Variants in KNDC1 observed in about 807,000 individuals in gnomAD.
KNDC1 encodes kinase non-catalytic C-lobe domain-containing protein 1.
Under a neutral mutation model 172.8 loss-of-function variants are expected in KNDC1, and 106 were observed. The observed-to-expected ratio is 0.61, with a 90% CI of 0.52 to 0.72. The LOEUF (loss-of-function observed/expected upper bound fraction) is 0.72. Ranked by LOEUF, KNDC1 falls within the 30% of genes least tolerant of loss-of-function variation. The pLI is 0.00. For missense variants in KNDC1, 2,325 were observed against 2,394.5 expected, an observed-to-expected ratio of 0.97 and a Z score of 0.61; for synonymous variants, 1,083 against 1,062.2, an observed-to-expected ratio of 1.02 and a Z score of -0.38.
rs1287994177 is a variant in KNDC1, at chr10:133,160,477, A to G, written c.10A>G (p.Met4Val). The G allele has an allele frequency of 1.0e-5, 16 of 1,579,918 alleles. No individual in the cohort carries two copies. Among genetic ancestry groups the G allele is most frequent in the Non-Finnish European group, 1.2e-5 (14 of 1,165,140 alleles). The stretch of plus-strand genomic sequence containing the variant: ...GCGGCGCGGCCGCAGGATGCAGGCC[A>G]TGGACCCGGCCGCGGCGGATCTTTA... MQA[M>V]DPAAADLYEE... is the part of the protein sequence containing the mutation. Residue 4 changes from methionine (M) to valine (V), a missense_variant, in exon 1 of 30, where the codon ATG becomes GTG. Coordinates refer to ENST00000304613, the MANE Select transcript of KNDC1 (RefSeq NM_152643.8).
chr10:133,218,994 C>T, intron 27 of KNDC1, 37 bp from the exon 28 acceptor site: 1 of 1,613,794 alleles, frequency 6.2e-7, no homozygotes, highest in African/African-American at 1.3e-5. Context: ...TGGGTACCCG[C>T]ACGGCCGCAG....
At chr10:133,193,681 C>T (rs1224768593) in intron 9 of KNDC1, among the ~76,000 whole-genome samples, 2 of 152,132 alleles carry the variant, frequency 1.3e-5, no homozygotes, top group Admixed American at 1.3e-4. Context: ...CTACCAGAAA[C>T]TCACTTCAAA....
At chr10:133,205,510 C>T (rs1483014934) in intron 17 of KNDC1, among the ~76,000 whole-genome samples, 1 of 152,236 alleles carries the variant, frequency 6.6e-6, no homozygotes, top group Non-Finnish European at 1.5e-5. Context: ...CACATTTACA[C>T]TCAACGCTCA....
In KNDC1 at chr10:133,167,691, C is replaced by T. The variant is rs1037171241; in HGVS notation, c.301+112C>T. ...AGCAGATGCTGGGAGCATGCCCGGACCCGGGTTTCCTGTGGAGACCTTCTC... is the reference window on the plus strand; with the variant it reads ...AGCAGATGCTGGGAGCATGCCCGGATCCGGGTTTCCTGTGGAGACCTTCTC... On this transcript the variant is annotated intron_variant, in intron 2 of 29. Transcript: ENST00000304613. 11 of 1,213,330 alleles carry T rather than the reference C, an allele frequency of 9.1e-6. No homozygotes were observed. The African/African-American group carries it at 1.5e-4, about 17-fold the overall frequency. The allele number at this position is 1,213,330 out of a possible 1,614,324, so 75.2% of individuals were successfully genotyped here. A position where few individuals can be genotyped will look rare whatever the true frequency, so the allele number is the denominator to read the frequency against.
intron 22 of KNDC1, 35 bp from the exon 23 acceptor site, chr10:133,211,644 G>A (rs1257018727): frequency 3.8e-6 from 6 of 1,591,320 alleles, no homozygotes; most frequent in South Asian, 2.3e-5. Context: ...TCCAGAAGGT[G>A]GCAGTGACCC....
At chr10:133,218,800 A>G in intron 26 of KNDC1, 31 bp from the exon 27 acceptor site, 1 of 1,602,668 alleles carries the variant, frequency 6.2e-7, no homozygotes, top group Non-Finnish European at 8.5e-7. Context: ...TTAAACCAGA[A>G]GACGCTGAAT....
chr10:133,218,645 C>A (rs559184098), intron 26 of KNDC1, among the ~76,000 whole-genome samples, 186 bp from the exon 27 acceptor site: 3 of 152,328 alleles, frequency 2.0e-5, no homozygotes, highest in African/African-American at 7.2e-5. Flanking sequence ...ATGCCCACCC[C>A]GTCCCGCCAG....
rs1258408325 is a variant in KNDC1, at chr10:133,211,682, C to G, written c.4060C>G (p.Leu1354Val). 2 of 1,596,902 alleles carry G rather than the reference C, an allele frequency of 1.3e-6. No homozygotes were observed. The highest frequency in any genetic ancestry group is 1.7e-5 in the Admixed American group (1 of 57,700). ...CCACCACTGTGCTTCTGCCTAGATC[C>G]TACCCCTGGACGGCTCTGCCAAGCA... ...KLEDFISSKI[L>V]PLDGSAKHLL... Residue 1354 changes from leucine (L) to valine (V), a missense_variant, in exon 23 of 30, where the codon CTA becomes GTA. Coordinates refer to ENST00000304613, the MANE Select transcript of KNDC1 (RefSeq NM_152643.8).
chr10:133,224,679 G>A lies in KNDC1; in HGVS notation c.5039G>A (p.Ser1680Asn). Reference sequence around the variant, plus strand: ...GGAAGGAACATCGCAAAGGTGGTGAGCCAGGTGCACGCGTTCCAGGAGAAC... The same window carrying A: ...GGAAGGAACATCGCAAAGGTGGTGAACCAGGTGCACGCGTTCCAGGAGAAC... ...SKLRNIAKVV[S>N]QVHAFQENPY... Residue 1680 changes from serine (S) to asparagine (N), a missense_variant, in exon 30 of 30, where the codon AGC becomes AAC. Ser to Asn is a conservative substitution (Grantham distance 46). Transcript: ENST00000304613. This position sits in a 1 kb window ranked among gnomAD's most constrained non-coding sequence, Gnocchi z 5.4. 1.9e-6 allele frequency: 3 copies of A among 1,614,056 alleles called. No homozygotes were observed. The highest frequency in any genetic ancestry group is 2.5e-6 in the Non-Finnish European group (3 of 1,179,996).
intron 1 of KNDC1, among the ~76,000 whole-genome samples, chr10:133,166,670 T>C (rs1323435397): frequency 1.3e-5 from 2 of 151,852 alleles, no homozygotes; most frequent in East Asian, 1.9e-4. Context: ...TGTGTCCATG[T>C]GGGATGCATG....
chr10:133,207,099 G>A (rs1265832590), intron 19 of KNDC1, 38 bp from the exon 20 acceptor site: 4 of 1,557,086 alleles, frequency 2.6e-6, no homozygotes, highest in African/African-American at 2.7e-5. Flanking sequence ...CTGGGGCGAG[G>A]GGCAGAGTGA....
chr10:133,201,734 G>A lies in KNDC1; in HGVS notation c.3223G>A (p.Val1075Ile). ...GACCCGACTGGCCAGGTCCAAAGGG[G>A]TCGGCCCAGCCTTGTCCCCCGGCCC... ...AVTRLARSKG[V>I]GPALSPGPAG... is the part of the protein sequence containing the mutation. Residue 1075 changes from valine (V) to isoleucine (I), a missense_variant, in exon 17 of 30, where the codon GTC becomes ATC. Transcript: ENST00000304613. The A allele has an allele frequency of 6.2e-7, 1 of 1,600,912 alleles. No homozygotes were observed.
At chr10:133,182,899 C>T (rs181738640) in intron 3 of KNDC1, among the ~76,000 whole-genome samples, 35 of 143,580 alleles carry the variant, frequency 2.4e-4, no homozygotes, top group African/African-American at 6.9e-4. Context: ...GCATGGGTGG[C>T]GTGGGTGCGA....
At chr10:133,169,760 C>T (rs932245614) in intron 3 of KNDC1, among the ~76,000 whole-genome samples, 6 of 152,134 alleles carry the variant, frequency 3.9e-5, no homozygotes, top group East Asian at 3.9e-4. Flanking sequence ...GTGGCTGTGA[C>T]GTGGCACGTG....
intron 3 of KNDC1, among the ~76,000 whole-genome samples, chr10:133,177,588 C>T (rs751973330): frequency 2.3e-4 from 35 of 150,414 alleles, no homozygotes; most frequent in Middle Eastern, 3.7e-3. Flanking sequence ...GTGTGTGTAT[C>T]GGGCACATGT....
In KNDC1 at chr10:133,199,123, G is replaced by A. The variant is rs372750618; in HGVS notation, c.2615G>A (p.Arg872Gln). ...CCAGAGAGGCCGCGGCCCGCAGACC[G>A]GAGGCTCTGTCTGCCCTGCGTGGAT... Reference protein sequence around the residue: ...SVPERPRPADRRLCLPCVDAS... With the variant: ...SVPERPRPADQRLCLPCVDAS... Residue 872 changes from arginine (R) to glutamine (Q), a missense_variant, in exon 14 of 30, where the codon CGG (arginine) becomes CAG (glutamine). Transcript: ENST00000304613. 3.0e-5 allele frequency: 49 copies of A among 1,607,020 alleles called. 1 individual carries two copies. In the Middle Eastern group the frequency reaches 6.6e-4, roughly 22 times the overall value.
Position 133,212,875 on chromosome 10 carries a change from G to C in KNDC1, c.4396G>C (p.Glu1466Gln). 6.2e-7 allele frequency: 1 copy of C among 1,613,898 alleles called. No homozygotes were observed. Among genetic ancestry groups the C allele is most frequent in the Non-Finnish European group, 8.5e-7 (1 of 1,179,940 alleles). ...TSEKGPYFLT[E>Q]YSTHQLFSQL... ...TGAGAAGGGGCCCTACTTCCTGACG[G>C]AGTACAGCACTCACCAGCTCTTCAG... Residue 1466 changes from glutamate (E) to glutamine (Q), a missense_variant, in exon 24 of 30, where the codon GAG (glutamate) becomes CAG (glutamine). Transcript: ENST00000304613.
chr10:133,167,631 C>G, intron 2 of KNDC1, 52 bp downstream of exon 2: 1 of 1,520,756 alleles, frequency 6.6e-7, no homozygotes, highest in African/African-American at 1.4e-5. Context: ...GGTGGAGGTG[C>G]CTTTCAGGGG....
At chr10:133,214,560 G>A (rs986360293) in intron 26 of KNDC1, among the ~76,000 whole-genome samples, 5 of 152,074 alleles carry the variant, frequency 3.3e-5, no homozygotes, top group Admixed American at 6.5e-5. Context: ...ACTGGGCTCC[G>A]CCACACACCC....
Sources: allele counts gnomAD v4.1 joint callset (sites outside exome capture counted in the v4.1 genomes callset), GRCh38; gene constraint gnomAD v4.1.1; non-coding constraint Gnocchi (gnomAD v3.1); transcripts MANE v1.5; gene names NCBI Gene and HGNC (gene_info 2026-07-23, HGNC 2026-07-21).